Variants in PDE10A observed in about 807,000 individuals in gnomAD.
PDE10A encodes phosphodiesterase 10A.
In PDE10A, 39 loss-of-function variants were observed where a neutral mutation model predicts 97.7. The ratio of observed to expected loss-of-function variants is 0.40; its 90% confidence interval spans 0.31 to 0.52. The LOEUF is 0.52. PDE10A is among the 20% of genes least tolerant of loss of function. The pLI is 0.56. For missense variants in PDE10A, 731 were observed against 1,047.8 expected (o/e 0.70, Z 4.17); for synonymous variants, 371 against 376.8 (o/e 0.98, Z 0.18).
At chr6:165,797,411 G>A (rs889955852) in intron 1 of PDE10A, among the ~76,000 whole-genome samples, 2 of 152,108 alleles carry the variant, frequency 1.3e-5, no homozygotes, top group Non-Finnish European at 2.9e-5. Context: ...TACGAGTGTG[G>A]ATTTTTTCAT....
chr6:165,670,044 G>T lies in PDE10A; in HGVS notation c.-614-126476C>A, dbSNP rs559119554. Reference sequence around the variant, plus strand: ...ACTGGCCAGAAGGGACACCTGGAAGGTTGCATTTGCAAGAAGCTGCACCAC... The same window carrying T: ...ACTGGCCAGAAGGGACACCTGGAAGTTTGCATTTGCAAGAAGCTGCACCAC... On this transcript the variant is annotated intron_variant, in intron 1 of 19. Transcript: ENST00000366882. Among the ~76,000 whole-genome samples, 130 of 152,328 alleles carry T rather than the reference G, an allele frequency of 8.5e-4. 1 individual carries two copies. The highest frequency in any genetic ancestry group is 3.4e-3 in the Middle Eastern group (1 of 294).
intron 18 of PDE10A, among the ~76,000 whole-genome samples, chr6:165,370,781 T>G (rs2128200813): frequency 6.7e-6 from 1 of 150,152 alleles, no homozygotes; most frequent in Middle Eastern, 3.4e-3. Flanking sequence ...TATACATTTT[T>G]TTCAGCACGA....
intron 2 of PDE10A, among the ~76,000 whole-genome samples, chr6:165,487,550 C>T (rs1383359550): frequency 2.0e-5 from 3 of 152,188 alleles, no homozygotes; most frequent in Non-Finnish European, 4.4e-5. Flanking sequence ...CTGTCTTCCA[C>T]AAAACTGGTC....
chr6:165,843,602 G>A (rs1263910009), intron 1 of PDE10A, among the ~76,000 whole-genome samples: 2 of 152,188 alleles, frequency 1.3e-5, no homozygotes, highest in Non-Finnish European at 2.9e-5. Context: ...TCCTTTCCAC[G>A]GACACCCACC....
At chr6:165,477,371 C>G (rs997870209) in intron 3 of PDE10A, among the ~76,000 whole-genome samples, 1 of 152,186 alleles carries the variant, frequency 6.6e-6, no homozygotes, top group Admixed American at 6.5e-5. Flanking sequence ...TCTGTCTCCA[C>G]AGCACTCATT....
chr6:165,648,234 G>C lies in PDE10A; in HGVS notation c.865+13713C>G, dbSNP rs1477481518. Among the ~76,000 whole-genome samples the C allele has an allele frequency of 3.9e-5, 6 of 151,952 alleles. No homozygotes were observed. The East Asian group carries it at 1.2e-3, about 29-fold the overall frequency. The stretch of plus-strand genomic sequence containing the variant: ...TCACCATATTAGCCAGGATGGTCTC[G>C]ATCTCCTGACCTCGTGATCCACCCA... On this transcript the variant is annotated intron_variant, in intron 1 of 21. Coordinates refer to ENST00000539869, the MANE Select transcript of PDE10A (RefSeq NM_001385079.1).
At chr6:165,605,616 T>C (rs1382447299) in intron 1 of PDE10A, among the ~76,000 whole-genome samples, 1 of 151,982 alleles carries the variant, frequency 6.6e-6, no homozygotes, top group Non-Finnish European at 1.5e-5. Context: ...GGCTCCTTCC[T>C]TTGTGCTCTC....
intron 1 of PDE10A, among the ~76,000 whole-genome samples, chr6:165,857,974 C>T (rs1028103351): frequency 5.9e-5 from 9 of 152,088 alleles, no homozygotes; most frequent in Non-Finnish European, 1.0e-4. Context: ...TGTTTGTGCA[C>T]ACATGCAAAC....
chr6:165,347,853 A>ATAT (rs1215578043), intron 18 of PDE10A, among the ~76,000 whole-genome samples: 1 of 152,196 alleles, frequency 6.6e-6, no homozygotes, highest in African/African-American at 2.4e-5. Context: ...ATATATATAT[A>ATAT]AAAAACAGGT....
In PDE10A at chr6:165,595,387, A is replaced by G. The variant is rs182820367; in HGVS notation, c.866-51819T>C. Among the ~76,000 whole-genome samples, 12 of 152,368 alleles carry G rather than the reference A, an allele frequency of 7.9e-5. 1 individual carries two copies. The highest frequency in any genetic ancestry group is 7.8e-4 in the Admixed American group (12 of 15,312). Reference sequence around the variant, plus strand: ...AATTATCACACAGATGGACATCTGCAAAGTTAATAAAGACAGGCCTGTAGA... The same window carrying G: ...AATTATCACACAGATGGACATCTGCGAAGTTAATAAAGACAGGCCTGTAGA... On this transcript the variant is annotated intron_variant, in intron 1 of 21. Transcript: ENST00000539869.
chr6:165,834,901 T>C (rs1412898058), intron 1 of PDE10A, among the ~76,000 whole-genome samples: 4 of 152,196 alleles, frequency 2.6e-5, no homozygotes, highest in Non-Finnish European at 5.9e-5. Context: ...TGAGAGGAGT[T>C]AGCTTCCTTC....
intron 1 of PDE10A, among the ~76,000 whole-genome samples, chr6:165,636,194 G>T (rs914614511): frequency 6.6e-6 from 1 of 152,230 alleles, no homozygotes; most frequent in Non-Finnish European, 1.5e-5. Flanking sequence ...TCCTGGGTTA[G>T]GGTAAACCCT....
At chr6:165,936,647 G>C (rs1217791290) in intron 1 of PDE10A, among the ~76,000 whole-genome samples, 1 of 152,156 alleles carries the variant, frequency 6.6e-6, no homozygotes, top group Non-Finnish European at 1.5e-5. Flanking sequence ...GGAGAATTTT[G>C]CCTGTGAAAC....
chr6:165,335,233 G>A (rs925713042), intron 21 of PDE10A, among the ~76,000 whole-genome samples: 1 of 152,170 alleles, frequency 6.6e-6, no homozygotes, highest in Non-Finnish European at 1.5e-5. Flanking sequence ...ATGCTTAAAT[G>A]TCTTTCTGGA....
chr6:165,444,331 G>T (rs1562473258), intron 5 of PDE10A, among the ~76,000 whole-genome samples: 1 of 152,136 alleles, frequency 6.6e-6, no homozygotes, highest in African/African-American at 2.4e-5. Context: ...ATTAAAGTTA[G>T]GGTCTAGCCC....
At chr6:165,641,531 C>A (rs76236492) in intron 1 of PDE10A, among the ~76,000 whole-genome samples, 1,590 of 122,566 alleles carry the variant, frequency 0.013, 30 homozygotes, top group African/African-American at 0.039. Flanking sequence ...GCTTCCCCAG[C>A]AATGCTGGCT....
chr6:165,433,991 T>C (rs1406274142), intron 6 of PDE10A, among the ~76,000 whole-genome samples: 2 of 117,400 alleles, frequency 1.7e-5, no homozygotes, highest in African/African-American at 3.5e-5. Flanking sequence ...CACTCCAGCC[T>C]GGGCGACACA....
At chr6:165,907,902 T>C (rs375789139) in intron 1 of PDE10A, among the ~76,000 whole-genome samples, 2 of 151,228 alleles carry the variant, frequency 1.3e-5, no homozygotes, top group African/African-American at 4.9e-5. Context: ...GAGAACAGGC[T>C]TCAGTCATTG....
At chr6:165,542,097 CA>C (rs1270578942) in intron 2 of PDE10A, among the ~76,000 whole-genome samples, 8 of 152,012 alleles carry the variant, frequency 5.3e-5, no homozygotes, top group African/African-American at 1.5e-4. Flanking sequence ...AAGTTTCCCC[CA>C]AATAGTATCT....
Sources: allele counts gnomAD v4.1 joint callset (sites outside exome capture counted in the v4.1 genomes callset), GRCh38; gene constraint gnomAD v4.1.1; transcripts MANE v1.5; gene names NCBI Gene and HGNC (gene_info 2026-07-23, HGNC 2026-07-21).